Variants in KCNJ15 observed in about 807,000 individuals in gnomAD.
KCNJ15 encodes ATP-sensitive inward rectifier potassium channel 15.
KCNJ15 carries 14 observed loss-of-function variants against 23.0 expected under a neutral mutation model. The observed-to-expected ratio is 0.61, with a 90% CI of 0.40 to 0.95. The LOEUF (loss-of-function observed/expected upper bound fraction) is 0.95, where lower values mean the gene tolerates loss of function less well. Ranked by LOEUF, KCNJ15 falls within the 40% of genes least tolerant of loss-of-function variation. The pLI, the probability that KCNJ15 is intolerant of heterozygous loss-of-function variation, is 0.00. For synonymous variants in KCNJ15, 185 were observed against 183.2 expected (o/e 1.01, Z -0.08); for missense variants, 388 against 461.8 (o/e 0.84, Z 1.46).
At chr21:38,276,153 A>G (rs986811219) in intron 1 of KCNJ15, among the ~76,000 whole-genome samples, 2 of 151,802 alleles carry the variant, frequency 1.3e-5, no homozygotes, top group African/African-American at 4.8e-5. Context: ...TGGCATGATA[A>G]CAATTTATGT....
intron 1 of KCNJ15, among the ~76,000 whole-genome samples, chr21:38,264,826 G>A (rs1981295648): frequency 1.3e-5 from 2 of 152,200 alleles, no homozygotes; most frequent in South Asian, 4.1e-4. Flanking sequence ...GGAACCATGT[G>A]CTTAAGATAT....
At chr21:38,252,006 G>A (rs1979872300), upstream of KCNJ15, among the ~76,000 whole-genome samples, 1 of 152,160 alleles carries the variant, frequency 6.6e-6, no homozygotes, top group South Asian at 2.1e-4. Context: ...CCAGTGGGAG[G>A]CTAGAGGTTG....
intron 1 of KCNJ15, among the ~76,000 whole-genome samples, chr21:38,282,894 G>T (rs78937264): frequency 0.016 from 2,506 of 152,272 alleles, 89 homozygotes; most frequent in African/African-American, 0.058. Context: ...CAAGGTGAAC[G>T]CTACCTGCAT....
intron 1 of KCNJ15, among the ~76,000 whole-genome samples, chr21:38,242,458 CCCAA>C (rs1249762273): frequency 1.3e-5 from 2 of 152,136 alleles, no homozygotes; most frequent in Non-Finnish European, 2.9e-5. Flanking sequence ...CTCTTTGAGA[CCCAA>C]CCAAACCAGC....
At chr21:38,291,361 A>G (rs1350045527) in intron 1 of KCNJ15, among the ~76,000 whole-genome samples, 1 of 152,220 alleles carries the variant, frequency 6.6e-6, no homozygotes, top group Admixed American at 6.5e-5. Flanking sequence ...TATCCAAGGA[A>G]GAAACCTGAG....
chr21:38,274,379 C>A (rs1478791936), intron 1 of KCNJ15, among the ~76,000 whole-genome samples: 2 of 151,566 alleles, frequency 1.3e-5, no homozygotes, highest in Non-Finnish European at 2.9e-5. Flanking sequence ...TCTCCAATTT[C>A]TGTCCTCCTC....
At chr21:38,242,967 C>CA (rs958296990) in intron 1 of KCNJ15, among the ~76,000 whole-genome samples, 7 of 152,130 alleles carry the variant, frequency 4.6e-5, no homozygotes, top group Admixed American at 1.3e-4. Context: ...ATGATTAAAT[C>CA]AAATGGTGTA....
At chr21:38,268,456 A>C (rs1981696473) in intron 1 of KCNJ15, among the ~76,000 whole-genome samples, 1 of 148,314 alleles carries the variant, frequency 6.7e-6, no homozygotes, top group Non-Finnish European at 1.5e-5. Context: ...TTACAGCCTA[A>C]ATTTTCTTAG....
In KCNJ15 at chr21:38,299,569, A is replaced by G. The variant is rs547421097; in HGVS notation, c.308A>G (p.Asn103Ser). The change falls in exon 3 of 3, where the codon AAT becomes AGT. Residue 103 changes from asparagine (N) to serine (S), a missense_variant. Physicochemically the swap from Asn to Ser is conservative, Grantham distance 46. Coordinates refer to ENST00000398938, the MANE Select transcript of KCNJ15 (RefSeq NM_170736.3). This position sits in a 1 kb window ranked among gnomAD's most constrained non-coding sequence, Gnocchi z 4.5. ...TTAGAACCCGGTGAGCCCATTTCAAATCATACCCCCTGCATCATGAAAGTG... is the reference window on the plus strand; with the variant it reads ...TTAGAACCCGGTGAGCCCATTTCAAGTCATACCCCCTGCATCATGAAAGTG... ...GDLEPGEPIS[N>S]HTPCIMKVDS... 6.2e-7 allele frequency: 1 copy of G among 1,614,096 alleles called. No homozygotes were observed. The highest frequency in any genetic ancestry group is 1.1e-5 in the South Asian group (1 of 91,070).
chr21:38,231,654 GTTT>G (rs35570403), intron 1 of KCNJ15, among the ~76,000 whole-genome samples: 1 of 150,610 alleles, frequency 6.6e-6, no homozygotes, highest in South Asian at 2.1e-4. Flanking sequence ...TTATTGAATA[GTTT>G]TTTTTTTATC....
intron 1 of KCNJ15, among the ~76,000 whole-genome samples, chr21:38,245,790 G>T (rs954331852): frequency 3.9e-5 from 6 of 152,190 alleles, no homozygotes; most frequent in Non-Finnish European, 8.8e-5. Context: ...ACAGAACTTT[G>T]CCTGACACAT....
rs563880712 is a variant in KCNJ15 at position 38,250,519 on chromosome 21, G to T, written c.-398-6527G>T. Among the ~76,000 whole-genome samples the T allele has an allele frequency of 2.0e-5, 3 of 152,314 alleles. No individual in the cohort carries two copies. The South Asian group carries it at 6.2e-4, about 32-fold the overall frequency. ...TGAAAGGGGCCTGATCTATGCTCAG[G>T]AATTGAAATGTCATAGCAAGAAATA... On this transcript the variant is annotated intron_variant, in intron 1 of 4. Coordinates refer to the KCNJ15 transcript ENST00000547341.
intron 1 of KCNJ15, among the ~76,000 whole-genome samples, chr21:38,247,101 CAT>C (rs1979440796): frequency 4.3e-5 from 3 of 70,154 alleles, no homozygotes; most frequent in Admixed American, 3.0e-4. Flanking sequence ...TGGATGGATG[CAT>C]GGATGGATGG....
intron 1 of KCNJ15, among the ~76,000 whole-genome samples, chr21:38,294,615 C>G (rs1984955418): frequency 6.6e-6 from 1 of 152,140 alleles, no homozygotes; most frequent in South Asian, 2.1e-4. Context: ...TTAAAGACAT[C>G]AATGTCTTTA....
intron 1 of KCNJ15, among the ~76,000 whole-genome samples, chr21:38,237,609 G>C (rs966615242): frequency 6.6e-6 from 1 of 152,168 alleles, no homozygotes; most frequent in Admixed American, 6.5e-5. Context: ...AGGTGAGCGG[G>C]GGGGCAGGCA....
chr21:38,276,339 G>C (rs1432396066), intron 1 of KCNJ15, among the ~76,000 whole-genome samples: 1 of 151,998 alleles, frequency 6.6e-6, no homozygotes, highest in Non-Finnish European at 1.5e-5. Flanking sequence ...TTAGGAAATG[G>C]TACCATAGTT....
chr21:38,303,315 C>G lies in KCNJ15; in HGVS notation c.*2926C>G, dbSNP rs1838158619. 3 of 151,552 alleles carry G rather than the reference C, an allele frequency of 2.0e-5. No individual in the cohort carries two copies. The highest frequency in any genetic ancestry group is 2.0e-4 in the Admixed American group (3 of 15,200). 9.4% of individuals were successfully genotyped at this position (151,552 alleles called of 1,614,324 possible). On this transcript the variant is annotated 3_prime_UTR_variant, in exon 3 of 3. Coordinates refer to ENST00000398938, the MANE Select transcript of KCNJ15 (RefSeq NM_170736.3). ...GCCAAAGTAGTGGAGTATTCCTGACCCAAAAAGGCTTTTGAATTTTGAAAC... is the reference window on the plus strand; with the variant it reads ...GCCAAAGTAGTGGAGTATTCCTGACGCAAAAAGGCTTTTGAATTTTGAAAC...
In KCNJ15 at chr21:38,299,852, T is replaced by G. The variant is rs905408544; in HGVS notation, c.591T>G (p.Ile197Met). The G allele has an allele frequency of 1.9e-6, 3 of 1,613,942 alleles. No individual in the cohort carries two copies. In the African/African-American group the frequency reaches 4.0e-5, roughly 22 times the overall value. ...TKQNGKLCLVIQVANMRKSLL... is the reference protein window; with the variant it reads ...TKQNGKLCLVMQVANMRKSLL... ...AGAATGGGAAGCTGTGCTTGGTGAT[T>G]CAGGTAGCCAATATGAGGAAGAGCC... The change falls in exon 3 of 3, where the codon ATT (isoleucine) becomes ATG (methionine). Residue 197 changes from isoleucine to methionine, a missense_variant. Coordinates refer to ENST00000398938, the MANE Select transcript of KCNJ15 (RefSeq NM_170736.3). This position sits in a 1 kb window ranked among gnomAD's most constrained non-coding sequence, Gnocchi z 4.5.
At chr21:38,233,528 T>C (rs1978408510) in intron 1 of KCNJ15, among the ~76,000 whole-genome samples, 1 of 152,188 alleles carries the variant, frequency 6.6e-6, no homozygotes, top group East Asian at 1.9e-4. Flanking sequence ...TACTTTCTTT[T>C]GTATTAAATT....
Sources: allele counts gnomAD v4.1 joint callset (sites outside exome capture counted in the v4.1 genomes callset), GRCh38; gene constraint gnomAD v4.1.1; non-coding constraint Gnocchi (gnomAD v3.1); transcripts MANE v1.5; gene names NCBI Gene and HGNC (gene_info 2026-07-23, HGNC 2026-07-21).